The following ARHGAP29 variants were observed in gnomAD, a reference collection of about 807,000 sequenced individuals.
The protein encoded by ARHGAP29 is rho GTPase-activating protein 29.
ARHGAP29 carries 43 observed loss-of-function variants against 122.6 expected under a neutral mutation model. The ratio of observed to expected loss-of-function variants is 0.35; its 90% confidence interval spans 0.27 to 0.45. The LOEUF is 0.45. Among genes scored for constraint, ARHGAP29 ranks in the 20% least tolerant of loss-of-function variants. The pLI, the probability that ARHGAP29 is intolerant of heterozygous loss-of-function variation, is 1.00. For missense variants in ARHGAP29, 1,303 were observed against 1,477.2 expected (o/e 0.88, Z 1.93); for synonymous variants, 506 against 497.1 (o/e 1.02, Z -0.24).
chr1:94,243,152 A>C (rs2100679971), intron 1 of ARHGAP29, among the ~76,000 whole-genome samples: 1 of 152,272 alleles, frequency 6.6e-6, no homozygotes, highest in East Asian at 1.9e-4. Context: ...AAAATCATTA[A>C]GGATCATTAA....
At chr1:94,213,033 T>C (rs567476197) in intron 3 of ARHGAP29, among the ~76,000 whole-genome samples, 2 of 152,294 alleles carry the variant, frequency 1.3e-5, no homozygotes, top group Admixed American at 1.3e-4. Context: ...AAGCTACCAT[T>C]CAAACCATTT....
Position 94,209,711 on chromosome 1 carries a change from G to A in ARHGAP29, c.341-361C>T, listed in dbSNP as rs185954939. On this transcript the variant is annotated intron_variant, in intron 3 of 22. Coordinates refer to ENST00000260526, the MANE Select transcript of ARHGAP29 (RefSeq NM_004815.4). ...TCTGTACTATTTTCTCTTCCTTACT[G>A]CTTTCTGGCATTTTAAAAAACAGCT... 1.3e-3 allele frequency among the ~76,000 whole-genome samples: 197 copies of A among 152,078 alleles called. 2 individuals carry two copies. Among genetic ancestry groups the A allele is most frequent in the Non-Finnish European group, 1.2e-3 (84 of 67,982 alleles).
chr1:94,303,256 T>C, the ARHGAP29 span, among the ~76,000 whole-genome samples: 1 of 152,130 alleles, frequency 6.6e-6, no homozygotes, highest in South Asian at 2.1e-4. Flanking sequence ...TTCTGACATA[T>C]GATATAACAT....
At chr1:94,207,211 G>A (rs1170279422) in intron 5 of ARHGAP29, among the ~76,000 whole-genome samples, 1 of 151,798 alleles carries the variant, frequency 6.6e-6, no homozygotes, top group Non-Finnish European at 1.5e-5. Context: ...GTTTCGCCAC[G>A]TTGGCCAGGC....
intron 3 of ARHGAP29, among the ~76,000 whole-genome samples, chr1:94,218,830 A>G (rs1030705336): frequency 6.6e-6 from 1 of 152,136 alleles, no homozygotes; most frequent in African/African-American, 2.4e-5. Flanking sequence ...TATGAACTAT[A>G]TTTTGTAGAC....
intron 8 of ARHGAP29, 45 bp from the exon 9 acceptor site, chr1:94,203,255 C>T (rs1306085977): frequency 1.4e-6 from 2 of 1,421,412 alleles, no homozygotes; most frequent in African/African-American, 1.4e-5. Flanking sequence ...AGAAATGGCA[C>T]TAGAATTCCA....
rs1166483931 is a variant in ARHGAP29, at chr1:94,231,576, T to C, written c.36A>G (p.Lys12=). The change falls in exon 2 of 23, where the codon AAA becomes AAG. Residue 12 remains lysine (K), a synonymous_variant. Coordinates refer to ENST00000260526, the MANE Select transcript of ARHGAP29 (RefSeq NM_004815.4). ...AGAGTTGACCTGATGCCCAAGCACG[T>C]TTTTTCTTTGTCTTTTTCTGTTTGT... ...IAHKQKKTKK[K]RAWASGQLST... The C allele has an allele frequency of 3.1e-6, 5 of 1,613,576 alleles. No individual in the cohort carries two copies. In the Admixed American group the frequency reaches 8.3e-5, roughly 27 times the overall value.
intron 1 of ARHGAP29, among the ~76,000 whole-genome samples, chr1:94,235,227 T>C (rs1044796931): frequency 6.6e-6 from 1 of 152,162 alleles, no homozygotes; most frequent in Non-Finnish European, 1.5e-5. Context: ...ACGTTTAAAA[T>C]AACAAACTTA....
chr1:94,211,306 A>AAC (rs1651595124), intron 3 of ARHGAP29, among the ~76,000 whole-genome samples: 1 of 148,320 alleles, frequency 6.7e-6, no homozygotes. Flanking sequence ...AAAAAAAAAA[A>AAC]AAAAAAAGGA....
chr1:94,237,200 C>A (rs1041898801), intron 1 of ARHGAP29, among the ~76,000 whole-genome samples: 1 of 152,202 alleles, frequency 6.6e-6, no homozygotes, highest in Non-Finnish European at 1.5e-5. Context: ...CCTCCCTCGC[C>A]GGGCGCGCCC....
rs370768723 is a variant in ARHGAP29, at chr1:94,185,405, T to C, written c.1857A>G (p.Arg619=). Residue 619 remains arginine (R), a synonymous_variant, in exon 17 of 23, where the codon AGA becomes AGG. Coordinates refer to ENST00000260526, the MANE Select transcript of ARHGAP29 (RefSeq NM_004815.4). ...AALTHKFRKL[R]SPTKCRDCEG... is the part of the protein sequence containing the mutation. ...CACAATCCCTACATTTCGTGGGGGA[T>C]CTCAATTTGCGAAACTTGTGTGTGA... is the stretch of plus-strand genomic sequence containing the variant. The C allele has an allele frequency of 4.3e-6, 7 of 1,612,388 alleles. No individual in the cohort carries two copies. The African/African-American group carries it at 8.0e-5, about 18-fold the overall frequency.
chr1:94,272,632 G>C (rs1655036192), intron 1 of ARHGAP29, among the ~76,000 whole-genome samples: 1 of 152,190 alleles, frequency 6.6e-6, no homozygotes, highest in Non-Finnish European at 1.5e-5. Context: ...AATAATCTCA[G>C]CTCTGGAGCT....
chr1:94,307,106 A>AT, the ARHGAP29 span, among the ~76,000 whole-genome samples: 10 of 152,110 alleles, frequency 6.6e-5, no homozygotes, highest in Middle Eastern at 0.02. Flanking sequence ...AAGTACCTTC[A>AT]TTTTTTTTCC....
chr1:94,266,134 T>G (rs1654761584), intron 1 of ARHGAP29, among the ~76,000 whole-genome samples: 1 of 152,138 alleles, frequency 6.6e-6, no homozygotes, highest in Non-Finnish European at 1.5e-5. Flanking sequence ...GCGATTAGAA[T>G]AAGAGGAAGA....
intron 1 of ARHGAP29, among the ~76,000 whole-genome samples, chr1:94,258,148 T>C (rs1297321654): frequency 1.3e-5 from 2 of 152,184 alleles, no homozygotes; most frequent in Non-Finnish European, 2.9e-5. Context: ...ACTGGAGTCA[T>C]GGGTAACATG....
At chr1:94,203,683 T>C (rs1651005856) in intron 8 of ARHGAP29, among the ~76,000 whole-genome samples, 1 of 151,900 alleles carries the variant, frequency 6.6e-6, no homozygotes, top group Non-Finnish European at 1.5e-5. Context: ...TGCAGTGAGC[T>C]GAGATCACGC....
upstream of ARHGAP29, among the ~76,000 whole-genome samples, chr1:94,277,539 T>A (rs1268768904): frequency 6.6e-6 from 1 of 152,194 alleles, no homozygotes; most frequent in Non-Finnish European, 1.5e-5. Context: ...TTATGAAAGT[T>A]ACTTTTTGAA....
chr1:94,237,905 A>C (rs950435702), upstream of ARHGAP29, among the ~76,000 whole-genome samples: 2 of 151,992 alleles, frequency 1.3e-5, no homozygotes, highest in African/African-American at 4.8e-5. Flanking sequence ...ACTTCTGTGG[A>C]TCGCCTTTTT....
In ARHGAP29 at chr1:94,173,057, G is replaced by T. The variant is rs1480907423; in HGVS notation, c.*812C>A. The T allele has an allele frequency of 6.6e-6, 1 of 152,460 alleles. No homozygotes were observed. The highest frequency in any genetic ancestry group is 2.4e-5 in the African/African-American group (1 of 41,484). 9.4% of individuals were successfully genotyped at this position (152,460 alleles called of 1,614,324 possible). A position where few individuals can be genotyped will look rare whatever the true frequency, so the allele number is the denominator to read the frequency against. ...AAAACTTCTGAAACAGGCATTTTTT[G>T]GACCATTTATAAAATACTAAAAAGT... On this transcript the variant is annotated 3_prime_UTR_variant, in exon 23 of 23. Coordinates refer to ENST00000260526, the MANE Select transcript of ARHGAP29 (RefSeq NM_004815.4).
Sources: gnomAD v4.1 joint callset for allele counts (sites outside exome capture counted in the v4.1 genomes callset) on GRCh38, gnomAD v4.1.1 for gene constraint, MANE v1.5 for transcripts, NCBI Gene and HGNC (gene_info 2026-07-23, HGNC 2026-07-21) for gene names.